The following SIPA1L1 variants were observed in gnomAD, a reference collection of about 807,000 sequenced individuals.
The protein encoded by SIPA1L1 is signal-induced proliferation-associated 1-like protein 1.
In SIPA1L1, 26 loss-of-function variants were observed where a neutral mutation model predicts 162.7. The ratio of observed to expected loss-of-function variants is 0.16; its 90% CI spans 0.12 to 0.22. The LOEUF (loss-of-function observed/expected upper bound fraction) is 0.22, where lower values mean the gene tolerates loss of function less well. Ranked by LOEUF, SIPA1L1 falls within the 10% of genes least tolerant of loss-of-function variation. The pLI, the probability that SIPA1L1 is intolerant of heterozygous loss-of-function variation, is 1.00. For missense variants in SIPA1L1, 1,874 were observed against 2,241.0 expected (o/e 0.84, Z 3.31); for synonymous variants, 829 against 837.4 (o/e 0.99, Z 0.17).
chr14:71,651,166 G>A (rs2042587380), intron 8 of SIPA1L1, among the ~76,000 whole-genome samples: 1 of 152,168 alleles, frequency 6.6e-6, no homozygotes, highest in Non-Finnish European at 1.5e-5. Flanking sequence ...ATTCTCAAAT[G>A]CCTATTTTGG....
At position 71,356,567 on chromosome 14, in the gene SIPA1L1, C is replaced by CCAAAAAAAAAAAAAAAAAA. The variant is rs777415215; in HGVS notation, c.-465+35386_-465+35387insCAAAAAAAAAAAAAAAAAA. On this transcript the variant is annotated intron_variant, in intron 2 of 23. Transcript: ENST00000381232. ...GCAACATAGCAAGACCTTGTCTCTA[C>CCAAAAAAAAAAAAAAAAAA]AAAAAAAAAAAAAAAAAAAAGCACA... Among the ~76,000 whole-genome samples the CCAAAAAAAAAAAAAAAAAA allele has an allele frequency of 1.5e-3, 59 of 39,158 alleles. 6 individuals are homozygous for CCAAAAAAAAAAAAAAAAAA. The highest frequency in any genetic ancestry group is 6.0e-3 in the African/African-American group (55 of 9,164). The allele number at this position is 39,158 out of a possible 152,430, so 25.7% of individuals were successfully genotyped here.
intron 2 of SIPA1L1, among the ~76,000 whole-genome samples, chr14:71,468,062 C>T (rs1244225177): frequency 1.4e-5 from 2 of 145,314 alleles, no homozygotes; most frequent in Non-Finnish European, 3.0e-5. Context: ...CTGTGTCTGT[C>T]TGTCTGTTAC....
chr14:71,345,071 AGG>A (rs1305511764), intron 2 of SIPA1L1, among the ~76,000 whole-genome samples: 1 of 152,098 alleles, frequency 6.6e-6, no homozygotes, highest in Non-Finnish European at 1.5e-5. Flanking sequence ...GGGAAGGCTA[AGG>A]GTAGGAAGGC....
intron 2 of SIPA1L1, among the ~76,000 whole-genome samples, chr14:71,361,737 A>G (rs904330471): frequency 6.6e-6 from 1 of 152,196 alleles, no homozygotes; most frequent in Non-Finnish European, 1.5e-5. Context: ...ACCCCTGAGC[A>G]GTTTGCCATG....
rs771683217 is a variant in SIPA1L1 at position 71,698,972 on chromosome 14, C to A, written c.3375-9C>A. The A allele has an allele frequency of 6.2e-7, 1 of 1,614,004 alleles. No individual in the cohort carries two copies. The highest frequency in any genetic ancestry group is 8.5e-7 in the Non-Finnish European group (1 of 1,179,896). On this transcript the variant is annotated splice_polypyrimidine_tract_variant and intron_variant, in intron 13 of 23. Coordinates refer to ENST00000381232, the MANE Select transcript of SIPA1L1 (RefSeq NM_001386936.1). ...TTGTTGACTTCATGTTTTTGTATTG[C>A]ACATGCAGGCTGTCTCCTGGTTCGG...
chr14:71,447,707 G>T (rs36534), intron 2 of SIPA1L1, among the ~76,000 whole-genome samples: 46,594 of 151,580 alleles, frequency 0.31, 7,773 homozygotes, highest in East Asian at 0.68. Flanking sequence ...GGGACTACAG[G>T]TGTGTGCCAC....
chr14:71,332,270 T>C (rs770150842), intron 2 of SIPA1L1, among the ~76,000 whole-genome samples: 1 of 152,208 alleles, frequency 6.6e-6, no homozygotes, highest in South Asian at 2.1e-4. Flanking sequence ...TGGTGGCTGC[T>C]GCTGGTAAAC....
intron 5 of SIPA1L1, among the ~76,000 whole-genome samples, chr14:71,603,032 C>G (rs1212854723): frequency 6.6e-6 from 1 of 152,082 alleles, no homozygotes; most frequent in Non-Finnish European, 1.5e-5. Flanking sequence ...TATCTGGGTG[C>G]TCTGGTGGTG....
chr14:71,489,051 A>G (rs1261468538), intron 2 of SIPA1L1, among the ~76,000 whole-genome samples: 1 of 152,212 alleles, frequency 6.6e-6, no homozygotes, highest in African/African-American at 2.4e-5. Context: ...TGTGTATAAA[A>G]TGAACTTTGT....
At chr14:71,628,742 T>C (rs976973823) in intron 7 of SIPA1L1, among the ~76,000 whole-genome samples, 1 of 152,114 alleles carries the variant, frequency 6.6e-6, no homozygotes, top group Non-Finnish European at 1.5e-5. Flanking sequence ...CAAGTCATAA[T>C]GGTTAACTGG....
intron 2 of SIPA1L1, among the ~76,000 whole-genome samples, chr14:71,388,616 G>T (rs1041849915): frequency 6.6e-6 from 1 of 152,156 alleles, no homozygotes; most frequent in Non-Finnish European, 1.5e-5. Flanking sequence ...GATAACTTAG[G>T]ATCCGCATGG....
At chr14:71,407,737 C>G (rs1029011056) in intron 2 of SIPA1L1, among the ~76,000 whole-genome samples, 1 of 152,086 alleles carries the variant, frequency 6.6e-6, no homozygotes, top group Non-Finnish European at 1.5e-5. Flanking sequence ...ATTTTTATAC[C>G]ATTTTGTATG....
At chr14:71,411,748 C>T (rs1370800819) in intron 2 of SIPA1L1, among the ~76,000 whole-genome samples, 1 of 152,226 alleles carries the variant, frequency 6.6e-6, no homozygotes. Flanking sequence ...TGCCCCACTA[C>T]CCACAGCCCC....
chr14:71,738,441 A>C, intron 23 of SIPA1L1, 116 bp downstream of exon 23: 1 of 650,724 alleles, frequency 1.5e-6, no homozygotes, highest in Non-Finnish European at 2.6e-6. Flanking sequence ...CGGTGCCTGC[A>C]TGTGTTTGGG....
At chr14:71,662,253 T>C (rs1338528878) in intron 10 of SIPA1L1, among the ~76,000 whole-genome samples, 1 of 152,202 alleles carries the variant, frequency 6.6e-6, no homozygotes, top group Non-Finnish European at 1.5e-5. Context: ...TCCACAATTG[T>C]ATATTTCTAG....
intron 12 of SIPA1L1, 34 bp from the exon 13 acceptor site, chr14:71,685,328 C>T (rs1468134600): frequency 6.2e-7 from 1 of 1,607,308 alleles, no homozygotes; most frequent in Non-Finnish European, 8.5e-7. Context: ...AAGCAGTATC[C>T]ATTGTGTTTC....
chr14:71,514,393 C>A (rs1028850398), intron 3 of SIPA1L1, among the ~76,000 whole-genome samples: 1 of 152,080 alleles, frequency 6.6e-6, no homozygotes, highest in African/African-American at 2.4e-5. Context: ...GCAGAATGTC[C>A]CTAGAAGGTC....
chr14:71,520,707 AC>A (rs1348123239), intron 3 of SIPA1L1, among the ~76,000 whole-genome samples: 1 of 152,108 alleles, frequency 6.6e-6, no homozygotes, highest in Non-Finnish European at 1.5e-5. Flanking sequence ...TTTTATTGTT[AC>A]AGTATTCCGT....
rs916051328 is a variant in SIPA1L1 at position 71,410,922 on chromosome 14, C to T, written c.-465+89741C>T. ...GAATTCCTTCCCCCCTCCCTCCATA[C>T]CTGTCTTTCTTTGAGGCGACTTAGA... On this transcript the variant is annotated intron_variant, in intron 2 of 23. Coordinates refer to ENST00000381232, the MANE Select transcript of SIPA1L1 (RefSeq NM_001386936.1). 3.3e-5 allele frequency among the ~76,000 whole-genome samples: 5 copies of T among 152,282 alleles called. No homozygotes were observed. In the East Asian group the frequency reaches 7.7e-4, roughly 24 times the overall value.
Sources: gnomAD v4.1 joint callset for allele counts (sites outside exome capture counted in the v4.1 genomes callset) on GRCh38, gnomAD v4.1.1 for gene constraint, MANE v1.5 for transcripts, NCBI Gene and HGNC (gene_info 2026-07-23, HGNC 2026-07-21) for gene names.